The following SARNP variants were observed in gnomAD, a reference collection of about 807,000 sequenced individuals.
The protein encoded by SARNP is SAP domain containing ribonucleoprotein, also known as SAP domain-containing ribonucleoprotein.
Under a neutral mutation model 38.1 loss-of-function variants are expected in SARNP, and 5 were observed. That is an observed-to-expected ratio of 0.13 (90% CI 0.07 to 0.28). The LOEUF is 0.28. Ranked by LOEUF, SARNP falls within the 10% of genes least tolerant of loss-of-function variation. The pLI, the probability that SARNP is intolerant of heterozygous loss-of-function variation, is 1.00. For missense variants in SARNP, 180 were observed against 243.9 expected, an observed-to-expected ratio of 0.74 and a Z score of 1.75; for synonymous variants, 84 against 80.6, an observed-to-expected ratio of 1.04 and a Z score of -0.23.
chr12:55,775,426 T>C (rs921855497), intron 9 of SARNP, among the ~76,000 whole-genome samples: 1 of 148,272 alleles, frequency 6.7e-6, no homozygotes, highest in African/African-American at 2.5e-5. Context: ...CCGGGCATGG[T>C]GGTGCATACT....
At chr12:55,789,411 C>G (rs1879597522) in intron 8 of SARNP, among the ~76,000 whole-genome samples, 1 of 152,196 alleles carries the variant, frequency 6.6e-6, no homozygotes, top group Non-Finnish European at 1.5e-5. Flanking sequence ...AAGCCAAACA[C>G]TGCCAGGGAA....
At chr12:55,763,848 A>C (rs552279840) in intron 9 of SARNP, among the ~76,000 whole-genome samples, 18 of 152,160 alleles carry the variant, frequency 1.2e-4, no homozygotes, top group Admixed American at 2.0e-4. Flanking sequence ...TAAGTGACTC[A>C]CCCAAAATTT....
intron 8 of SARNP, among the ~76,000 whole-genome samples, chr12:55,790,107 T>C (rs1414388362): frequency 6.6e-6 from 1 of 151,790 alleles, no homozygotes; most frequent in Non-Finnish European, 1.5e-5. Context: ...CTAGTCACAA[T>C]GGTCCAGAAA....
At chr12:55,805,034 C>T (rs1242682877) in intron 1 of SARNP, among the ~76,000 whole-genome samples, 2 of 152,032 alleles carry the variant, frequency 1.3e-5, no homozygotes, top group African/African-American at 4.8e-5. Flanking sequence ...GAGGCCGAGG[C>T]GAGTGGATCA....
downstream of SARNP, chr12:55,755,506 C>T (rs1392313787): frequency 6.6e-6 from 1 of 152,184 alleles, no homozygotes; most frequent in Non-Finnish European, 1.5e-5. Context: ...CAGTTAACCA[C>T]ATCTGGATGC....
intron 9 of SARNP, among the ~76,000 whole-genome samples, chr12:55,784,138 G>T (rs1879420055): frequency 1.3e-5 from 2 of 152,230 alleles, no homozygotes; most frequent in East Asian, 3.9e-4. Context: ...TAGAATACTA[G>T]GATAGAGAAG....
chr12:55,762,919 A>G (rs1171688148), intron 9 of SARNP, among the ~76,000 whole-genome samples: 1 of 152,216 alleles, frequency 6.6e-6, no homozygotes, highest in Non-Finnish European at 1.5e-5. Context: ...TAACTCTTTC[A>G]GCTTGAGAAA....
rs1209721996 is a variant in SARNP at position 55,757,496 on chromosome 12, T to C, written c.*16A>G. On this transcript the variant is annotated 3_prime_UTR_variant, in exon 11 of 11. Coordinates refer to ENST00000336133, the MANE Select transcript of SARNP (RefSeq NM_033082.4). ...ATGGAAAACACTGGAGAACAGAAAG[T>C]ATCAGGAACTTTTCATCAGGCAATC... is the stretch of plus-strand genomic sequence containing the variant. 1.2e-6 allele frequency: 2 copies of C among 1,602,446 alleles called. No individual in the cohort carries two copies. The highest frequency in any genetic ancestry group is 1.7e-6 in the Non-Finnish European group (2 of 1,174,884).
chr12:55,760,182 A>G (rs1878631610), intron 10 of SARNP, among the ~76,000 whole-genome samples: 1 of 152,224 alleles, frequency 6.6e-6, no homozygotes, highest in African/African-American at 2.4e-5. Flanking sequence ...TCAAGAAAAA[A>G]GCAAAATATT....
intron 9 of SARNP, among the ~76,000 whole-genome samples, chr12:55,779,710 T>C (rs915965638): frequency 6.6e-6 from 1 of 152,190 alleles, no homozygotes; most frequent in Admixed American, 6.5e-5. Flanking sequence ...TCTAAATCCA[T>C]AGTACAGTAG....
chr12:55,813,526 C>G (rs1880393065), intron 1 of SARNP, among the ~76,000 whole-genome samples: 1 of 146,694 alleles, frequency 6.8e-6, no homozygotes, highest in African/African-American at 2.5e-5. Flanking sequence ...ATTTTGGACA[C>G]AGGCTGCCTG....
intron 9 of SARNP, among the ~76,000 whole-genome samples, chr12:55,788,480 A>C (rs1324033117): frequency 3.9e-5 from 6 of 152,182 alleles, no homozygotes; most frequent in Non-Finnish European, 8.8e-5. Context: ...CACTGAATTT[A>C]ACATCTTAAC....
rs1222475658 is a variant in SARNP at position 55,807,676 on chromosome 12, C to T, written c.37-3948G>A. 1.2e-3 allele frequency among the ~76,000 whole-genome samples: 174 copies of T among 151,082 alleles called. 7 individuals are homozygous for T. Among genetic ancestry groups the T allele is most frequent in the Admixed American group, 7.5e-3 (114 of 15,174 alleles). On this transcript the variant is annotated intron_variant, in intron 1 of 10. Coordinates refer to ENST00000336133, the MANE Select transcript of SARNP (RefSeq NM_033082.4). ...AAAAAAAAAAAAAATTAGCCGGGCGCGGTGGCGGGCGCCTGTAGTCCCAGC... is the reference window on the plus strand; with the variant it reads ...AAAAAAAAAAAAAATTAGCCGGGCGTGGTGGCGGGCGCCTGTAGTCCCAGC...
At position 55,787,063 on chromosome 12, in the gene SARNP, T is replaced by TA. The variant is rs1288042175; in HGVS notation, c.501+2011dup. ...GGGCAACACAGAGAGACCTCATCTC[T>TA]AAAAAAAAAAATTCAAAAACTGGCC... On this transcript the variant is annotated intron_variant, in intron 9 of 10. Coordinates refer to ENST00000336133, the MANE Select transcript of SARNP (RefSeq NM_033082.4). Among the ~76,000 whole-genome samples, 511 of 145,852 alleles carry TA rather than the reference T, an allele frequency of 3.5e-3. 3 individuals carry two copies. Among genetic ancestry groups the TA allele is most frequent in the African/African-American group, 0.011 (449 of 39,898 alleles).
At chr12:55,790,750 C>T (rs761601878) in intron 7 of SARNP, among the ~76,000 whole-genome samples, 158 bp from the exon 8 acceptor site, 1 of 152,182 alleles carries the variant, frequency 6.6e-6, no homozygotes, top group Non-Finnish European at 1.5e-5. Context: ...TCACTGCTAG[C>T]AGGAACATAA....
intron 9 of SARNP, among the ~76,000 whole-genome samples, chr12:55,769,122 G>T (rs1878932514): frequency 6.6e-6 from 1 of 152,174 alleles, no homozygotes; most frequent in Admixed American, 6.5e-5. Flanking sequence ...TCTATTTAAG[G>T]TAATATATGA....
chr12:55,811,376 G>A (rs904394199), intron 1 of SARNP, among the ~76,000 whole-genome samples: 3 of 152,122 alleles, frequency 2.0e-5, no homozygotes, highest in Non-Finnish European at 2.9e-5. Context: ...TGGGCAACAC[G>A]GGTAGACTCT....
At chr12:55,817,078 C>G (rs1469483963) in intron 1 of SARNP, among the ~76,000 whole-genome samples, 1 of 152,136 alleles carries the variant, frequency 6.6e-6, no homozygotes, top group Non-Finnish European at 1.5e-5. Flanking sequence ...CTACTATTCT[C>G]AAGACCTCCT....
intron 10 of SARNP, among the ~76,000 whole-genome samples, chr12:55,759,895 G>A (rs531539533): frequency 7.9e-5 from 12 of 151,452 alleles, no homozygotes; most frequent in Admixed American, 2.6e-4. Context: ...GTGCCACCAC[G>A]CCTAGCTAAT....
Sources: gnomAD v4.1 joint callset for allele counts (sites outside exome capture counted in the v4.1 genomes callset) on GRCh38, gnomAD v4.1.1 for gene constraint, MANE v1.5 for transcripts, NCBI Gene and HGNC (gene_info 2026-07-23, HGNC 2026-07-21) for gene names.